Variants in LOXHD1 observed in about 807,000 individuals in gnomAD.
The protein encoded by LOXHD1 is lipoxygenase homology domain-containing protein 1.
A neutral mutation model predicts 248.2 loss-of-function variants in LOXHD1; 205 were observed. That is an observed-to-expected ratio of 0.83 (90% confidence interval 0.74 to 0.93). LOXHD1 has a LOEUF of 0.93. LOXHD1 is among the 40% of genes least tolerant of loss of function. The probability of loss-of-function intolerance (pLI) is 0.00; values close to 1 mark genes in which losing one functional copy is unlikely to be tolerated. For synonymous variants in LOXHD1, 1,113 were observed against 1,162.8 expected, an observed-to-expected ratio of 0.96 and a Z score of 0.87; for missense variants, 2,930 against 2,971.6, an observed-to-expected ratio of 0.99 and a Z score of 0.33.
At chr18:46,559,682 A>G in intron 19 of LOXHD1, 80 bp from the exon 20 acceptor site, 1 of 1,447,970 alleles carries the variant, frequency 6.9e-7, no homozygotes, top group Non-Finnish European at 9.4e-7. Context: ...TCTCAGATCC[A>G]GCCAGATCCT....
intron 40 of LOXHD1, among the ~76,000 whole-genome samples, chr18:46,482,919 C>T (rs150029538): frequency 6.4e-4 from 97 of 152,354 alleles, no homozygotes; most frequent in Non-Finnish European, 1.2e-3. Context: ...TCCACCCTCC[C>T]CTGGCTCCTT....
rs1599004172 is a variant in LOXHD1 at position 46,560,465 on chromosome 18, C to G, written c.2679G>C (p.Val893=). 2.6e-6 allele frequency: 4 copies of G among 1,541,592 alleles called. No homozygotes were observed. The highest frequency in any genetic ancestry group is 3.5e-6 in the Non-Finnish European group (4 of 1,146,960). Reference sequence around the variant, plus strand: ...CCAGGTGCCGCAGCCACACGGTGTCCACGAACCAGCTGGGCCCAAAGCCCT... The same window carrying G: ...CCAGGTGCCGCAGCCACACGGTGTCGACGAACCAGCTGGGCCCAAAGCCCT... ...TGEGFGPSWF[V]DTVWLRHLVV... Residue 893 remains valine (V), a synonymous_variant, in exon 19 of 41, where the codon GTG becomes GTC. Transcript: ENST00000642948.
At chr18:46,604,902 A>T (rs1448220297) in intron 6 of LOXHD1, among the ~76,000 whole-genome samples, 2 of 152,208 alleles carry the variant, frequency 1.3e-5, no homozygotes, top group Admixed American at 6.5e-5. Flanking sequence ...AATAGCTAGA[A>T]TGTGTCCTCC....
At chr18:46,604,425 ACT>A (rs1413307603) in intron 6 of LOXHD1, among the ~76,000 whole-genome samples, 196 bp from the exon 7 acceptor site, 1 of 152,248 alleles carries the variant, frequency 6.6e-6, no homozygotes, top group Non-Finnish European at 1.5e-5. Flanking sequence ...TACAGGGATG[ACT>A]GGCGATTACC....
In LOXHD1 at chr18:46,566,416, C is replaced by A. The variant is rs1414624213; in HGVS notation, c.2278G>T (p.Gly760Cys). 1 of 1,551,022 alleles carries A rather than the reference C, an allele frequency of 6.4e-7. No individual in the cohort carries two copies. Among genetic ancestry groups the A allele is most frequent in the Admixed American group, 2.0e-5 (1 of 51,014 alleles). ...CCCAGGAACCAGCTGGCATGCATGC[C>A]AGTGCTGTCATGCCCAATCACCAGC... is the stretch of plus-strand genomic sequence containing the variant. ...NRLVIGHDST[G>C]MHASWFLGSV... The change falls in exon 17 of 41, where the codon GGC becomes TGC. Residue 760 changes from glycine to cysteine, a missense_variant. Gly to Cys is a radical substitution (Grantham distance 159). Transcript: ENST00000642948.
intron 1 of LOXHD1, among the ~76,000 whole-genome samples, chr18:46,656,579 G>A (rs1224614511): frequency 1.3e-5 from 2 of 152,178 alleles, no homozygotes; most frequent in African/African-American, 2.4e-5. Flanking sequence ...CACCTACTCG[G>A]GGACCAGACT....
intron 29 of LOXHD1, among the ~76,000 whole-genome samples, chr18:46,527,938 T>TG (rs1401013998): frequency 6.6e-6 from 1 of 152,192 alleles, no homozygotes; most frequent in Non-Finnish European, 1.5e-5. Flanking sequence ...ATGGGAGTGC[T>TG]GGGGGGTCTG....
In LOXHD1 at chr18:46,656,978, T is replaced by C. The variant is rs781019997; in HGVS notation, c.56A>G (p.Tyr19Cys). 4 of 1,551,660 alleles carry C rather than the reference T, an allele frequency of 2.6e-6. No homozygotes were observed. The South Asian group carries it at 3.6e-5, about 14-fold the overall frequency. ...RKKDIDFLAL[Y>C]EAELLNYASE... ...GGCGTAGTTCAGCAGCTCCGCTTCG[T>C]ACAGGGCCAGGAAGTCGATGTCCTT... The change falls in exon 1 of 41, where the codon TAC becomes TGC. Residue 19 changes from tyrosine (Y) to cysteine (C), a missense_variant. By Grantham distance (194) the Tyr-to-Cys change is radical. Coordinates refer to ENST00000642948, the MANE Select transcript of LOXHD1 (RefSeq NM_001384474.1).
At chr18:46,572,710 G>T (rs528533853) in intron 14 of LOXHD1, among the ~76,000 whole-genome samples, 2 of 152,234 alleles carry the variant, frequency 1.3e-5, no homozygotes, top group Non-Finnish European at 2.9e-5. Flanking sequence ...CTGGGGTGGG[G>T]AGATGGCAGA....
chr18:46,547,011 C>T lies in LOXHD1; in HGVS notation c.3398G>A (p.Gly1133Asp), dbSNP rs1012416182. Reference sequence around the variant, plus strand: ...TGGCAACAGCTCCCTGGACAGCTGGCCATCATCTTCCTCCACTGCCAGCCA... The same window carrying T: ...TGGCAACAGCTCCCTGGACAGCTGGTCATCATCTTCCTCCACTGCCAGCCA... ...QRWLAVEEDD[G>D]QLSRELLPVD... The change falls in exon 22 of 41, where the codon GGC becomes GAC. Residue 1133 changes from glycine (G) to aspartate (D), a missense_variant. By Grantham distance (94) the Gly-to-Asp change is moderately conservative. Transcript: ENST00000642948. 4.5e-6 allele frequency: 7 copies of T among 1,551,638 alleles called. No individual in the cohort carries two copies. Among genetic ancestry groups the T allele is most frequent in the Non-Finnish European group, 6.1e-6 (7 of 1,147,020 alleles).
intron 12 of LOXHD1, among the ~76,000 whole-genome samples, chr18:46,583,990 T>C (rs1484018800): frequency 1.3e-5 from 2 of 152,108 alleles, no homozygotes; most frequent in East Asian, 3.9e-4. Flanking sequence ...ATGGTATACA[T>C]ACACAATGCA....
chr18:46,577,639 G>C (rs557087610), intron 14 of LOXHD1, 68 bp downstream of exon 14: 6 of 1,500,042 alleles, frequency 4.0e-6, no homozygotes, highest in Middle Eastern at 1.7e-4. Flanking sequence ...TAGTAGGGCT[G>C]GGTCTTCCCA....
At chr18:46,526,339 G>A (rs1432378157) in intron 29 of LOXHD1, among the ~76,000 whole-genome samples, 1 of 152,184 alleles carries the variant, frequency 6.6e-6, no homozygotes, top group Non-Finnish European at 1.5e-5. Flanking sequence ...ATAGAGAAGA[G>A]TCACCTCCAG....
At chr18:46,493,831 G>T (rs2033655092) in intron 37 of LOXHD1, among the ~76,000 whole-genome samples, 1 of 152,174 alleles carries the variant, frequency 6.6e-6, no homozygotes, top group South Asian at 2.1e-4. Flanking sequence ...TTCCACATCT[G>T]ATGGGACAAA....
chr18:46,577,664 T>C (rs2037883499), intron 14 of LOXHD1, 43 bp downstream of exon 14: 9 of 1,536,600 alleles, frequency 5.9e-6, no homozygotes, highest in Non-Finnish European at 7.9e-6. Context: ...ACAGGGATCA[T>C]AACCTAAGCT....
intron 4 of LOXHD1, among the ~76,000 whole-genome samples, chr18:46,633,293 A>G (rs910771365): frequency 2.0e-5 from 3 of 152,256 alleles, no homozygotes; most frequent in African/African-American, 7.2e-5. Flanking sequence ...CCAGTGGAAT[A>G]GAACAGAGAG....
At chr18:46,571,804 G>C (rs922086118) in intron 15 of LOXHD1, among the ~76,000 whole-genome samples, 9 of 152,200 alleles carry the variant, frequency 5.9e-5, no homozygotes, top group Non-Finnish European at 7.3e-5. Flanking sequence ...AGGCCTGAAT[G>C]ACAGGTACTG....
In LOXHD1 at chr18:46,524,506, TG is replaced by T; in HGVS notation, c.4835del (p.Thr1612LysfsTer2). On this transcript the variant is annotated frameshift_variant, in exon 31 of 41. Transcript: ENST00000642948. LOFTEE classifies it high-confidence loss of function. ...CGTAGTCAGCCATGGGCCCGGTCAC[TG>T]TGCTGATGTCGACATCGGCCATCTT... ...SSKMADVDIS[T>X]VTGPMADYVQ... 2 of 1,551,760 alleles carry T rather than the reference TG, an allele frequency of 1.3e-6. No homozygotes were observed. The highest frequency in any genetic ancestry group is 1.7e-6 in the Non-Finnish European group (2 of 1,147,004).
At chr18:46,578,493 G>A (rs1050361551) in intron 13 of LOXHD1, among the ~76,000 whole-genome samples, 16 of 152,166 alleles carry the variant, frequency 1.1e-4, no homozygotes, top group East Asian at 3.9e-4. Context: ...TAAAGGCATC[G>A]CTACCTCCTC....
Sources: allele counts gnomAD v4.1 joint callset (sites outside exome capture counted in the v4.1 genomes callset), GRCh38; gene constraint gnomAD v4.1.1; transcripts MANE v1.5; gene names NCBI Gene and HGNC (gene_info 2026-07-23, HGNC 2026-07-21).